Variants in CAMK1D observed in about 807,000 individuals in gnomAD.
The protein encoded by CAMK1D is calcium/calmodulin dependent protein kinase ID, also known as calcium/calmodulin-dependent protein kinase type 1D.
Under a neutral mutation model 47.7 loss-of-function variants are expected in CAMK1D, and 9 were observed. That is an observed-to-expected ratio of 0.19 (90% confidence interval 0.11 to 0.33). The LOEUF is 0.33. Among genes scored for constraint, CAMK1D ranks in the 10% least tolerant of loss-of-function variants. The pLI is 1.00. For missense variants in CAMK1D, 291 were observed against 488.7 expected, an observed-to-expected ratio of 0.60 and a Z score of 3.81; for synonymous variants, 184 against 184.9, an observed-to-expected ratio of 0.99 and a Z score of 0.04.
At chr10:12,674,819 G>A (rs1167829896) in intron 3 of CAMK1D, among the ~76,000 whole-genome samples, 1 of 151,474 alleles carries the variant, frequency 6.6e-6, no homozygotes, top group Non-Finnish European at 1.5e-5. Context: ...GGATCACGAG[G>A]TCAGGAGTTC....
intron 1 of CAMK1D, among the ~76,000 whole-genome samples, chr10:12,412,185 A>AC (rs894535841): frequency 6.6e-6 from 1 of 152,004 alleles, no homozygotes; most frequent in African/African-American, 2.4e-5. Flanking sequence ...GCCTCCTGCA[A>AC]CCCCACCTGT....
rs191977000 is a variant in CAMK1D, at chr10:12,636,537, A to G, written c.225-30199A>G. Among the ~76,000 whole-genome samples the G allele has an allele frequency of 1.9e-3, 283 of 152,318 alleles. 4 individuals carry two copies. In the Middle Eastern group the frequency reaches 0.034, roughly 18 times the overall value. On this transcript the variant is annotated intron_variant, in intron 2 of 10. Transcript: ENST00000619168. ...GTGACGCAGTCTCACTCTGTTGCCCAGGCTGGCCTCAAACTCCTGGGATCA... is the reference window on the plus strand; with the variant it reads ...GTGACGCAGTCTCACTCTGTTGCCCGGGCTGGCCTCAAACTCCTGGGATCA...
intron 1 of CAMK1D, among the ~76,000 whole-genome samples, chr10:12,419,676 A>G (rs1839983753): frequency 6.6e-6 from 1 of 151,728 alleles, no homozygotes; most frequent in African/African-American, 2.4e-5. Flanking sequence ...ACACGCAAAA[A>G]TAGAGTTCTT....
At chr10:12,602,217 T>A (rs1055536075) in intron 2 of CAMK1D, among the ~76,000 whole-genome samples, 1 of 152,158 alleles carries the variant, frequency 6.6e-6, no homozygotes, top group African/African-American at 2.4e-5. Flanking sequence ...CTACTCACAA[T>A]CTTTTATTTT....
chr10:12,394,570 C>T (rs1327573112), intron 1 of CAMK1D, among the ~76,000 whole-genome samples: 2 of 152,140 alleles, frequency 1.3e-5, no homozygotes, highest in Non-Finnish European at 2.9e-5. Context: ...ACTCCAAATT[C>T]CAAGGGCTTT....
In CAMK1D at chr10:12,646,030, C is replaced by G. The variant is rs565390306; in HGVS notation, c.225-20706C>G. On this transcript the variant is annotated intron_variant, in intron 2 of 10. Transcript: ENST00000619168. ...AAATAGTATTTCTGTTTAGAATCTT[C>G]CACTGAACAGAAAATAAATTGCTAT... is the stretch of plus-strand genomic sequence containing the variant. Among the ~76,000 whole-genome samples the G allele has an allele frequency of 1.1e-3, 160 of 149,430 alleles. 2 individuals carry two copies. Among genetic ancestry groups the G allele is most frequent in the African/African-American group, 3.8e-3 (154 of 40,504 alleles).
intron 1 of CAMK1D, among the ~76,000 whole-genome samples, chr10:12,373,810 C>T (rs1319675053): frequency 6.6e-6 from 1 of 151,736 alleles, no homozygotes; most frequent in Non-Finnish European, 1.5e-5. Context: ...TGCGGTGGCT[C>T]ACGCCTGTAA....
At chr10:12,695,057 TAGA>T (rs1167335440) in intron 3 of CAMK1D, among the ~76,000 whole-genome samples, 3 of 128,118 alleles carry the variant, frequency 2.3e-5, no homozygotes, top group Non-Finnish European at 3.5e-5. Flanking sequence ...GATAGATAGA[TAGA>T]TAGATACATA....
At chr10:12,768,595 T>A (rs369012680) in intron 4 of CAMK1D, among the ~76,000 whole-genome samples, 2 of 151,626 alleles carry the variant, frequency 1.3e-5, no homozygotes, top group African/African-American at 4.9e-5. Context: ...TCCTGGAGGG[T>A]GGACATTCCT....
chr10:12,430,449 A>C (rs1269676332), intron 1 of CAMK1D, among the ~76,000 whole-genome samples: 1 of 152,198 alleles, frequency 6.6e-6, no homozygotes, highest in African/African-American at 2.4e-5. Flanking sequence ...GTGCTTCAGA[A>C]CATCTAGAGC....
At chr10:12,749,607 G>A (rs374175469) in intron 3 of CAMK1D, among the ~76,000 whole-genome samples, 32 of 147,448 alleles carry the variant, frequency 2.2e-4, no homozygotes, top group East Asian at 1.0e-3. Flanking sequence ...CACCCAGGCC[G>A]AAGTGCAGTG....
At chr10:12,553,139 C>A in intron 1 of CAMK1D, 86 bp from the exon 2 acceptor site, 8 of 1,589,792 alleles carry the variant, frequency 5.0e-6, no homozygotes, top group South Asian at 1.1e-5. Flanking sequence ...TTATTGTTTA[C>A]TCAAACTTCG....
chr10:12,385,531 TA>T (rs1838466647), intron 1 of CAMK1D, among the ~76,000 whole-genome samples: 1 of 152,182 alleles, frequency 6.6e-6, no homozygotes, highest in African/African-American at 2.4e-5. Context: ...TCCATTTATA[TA>T]AAATATCCAG....
chr10:12,599,595 T>C (rs1017813880), intron 2 of CAMK1D, among the ~76,000 whole-genome samples: 6 of 152,204 alleles, frequency 3.9e-5, no homozygotes, highest in Non-Finnish European at 7.3e-5. Context: ...GACAAACCTA[T>C]TCGTGGTAGA....
chr10:12,568,556 G>A (rs1211621521), intron 2 of CAMK1D, among the ~76,000 whole-genome samples: 1 of 131,406 alleles, frequency 7.6e-6, no homozygotes, highest in Non-Finnish European at 1.6e-5. Flanking sequence ...TGCAGAGCAG[G>A]GCTAACGCCT....
intron 1 of CAMK1D, among the ~76,000 whole-genome samples, chr10:12,511,447 T>A (rs972939567): frequency 4.0e-5 from 6 of 150,962 alleles, no homozygotes; most frequent in Non-Finnish European, 7.4e-5. Context: ...CAAAAAAAAA[T>A]AATAAATAAA....
chr10:12,421,858 C>T (rs1328952111), intron 1 of CAMK1D, among the ~76,000 whole-genome samples: 2 of 149,570 alleles, frequency 1.3e-5, no homozygotes, highest in Non-Finnish European at 3.0e-5. Context: ...GCTCTGTCAC[C>T]CAGGCTGGAG....
intron 1 of CAMK1D, among the ~76,000 whole-genome samples, chr10:12,519,111 G>T (rs1341918845): frequency 1.1e-5 from 1 of 91,446 alleles, no homozygotes; most frequent in East Asian, 3.1e-4. Flanking sequence ...CTGGCCGGGC[G>T]GGGGGCTGAC....
At chr10:12,403,566 T>G (rs1366652411) in intron 1 of CAMK1D, among the ~76,000 whole-genome samples, 1 of 152,236 alleles carries the variant, frequency 6.6e-6, no homozygotes, top group Non-Finnish European at 1.5e-5. Context: ...TACTATTGAA[T>G]GTAAATCTGG....
Sources: gnomAD v4.1 joint callset for allele counts (sites outside exome capture counted in the v4.1 genomes callset) on GRCh38, gnomAD v4.1.1 for gene constraint, MANE v1.5 for transcripts, NCBI Gene and HGNC (gene_info 2026-07-23, HGNC 2026-07-21) for gene names.